The following MAML3 variants were observed in gnomAD, a reference collection of about 807,000 sequenced individuals.
MAML3 encodes the protein mastermind like transcriptional coactivator 3.
In MAML3, 27 loss-of-function variants were observed where a neutral mutation model predicts 101.9. The ratio of observed to expected loss-of-function variants is 0.27; its 90% CI spans 0.20 to 0.37. The LOEUF is 0.37. MAML3 is among the 10% of genes least tolerant of loss of function. The pLI, the probability that MAML3 is intolerant of heterozygous loss-of-function variation, is 1.00. For missense variants in MAML3, 1,316 were observed against 1,444.9 expected (o/e 0.91, Z 1.45); for synonymous variants, 501 against 555.9 (o/e 0.90, Z 1.39).
At chr4:140,134,331 G>T (rs1216258846) in intron 1 of MAML3, 1 of 456,590 alleles carries the variant, frequency 2.2e-6, no homozygotes, top group Admixed American at 2.3e-5. Flanking sequence ...ACCAAGTCAA[G>T]CGAGGCAAGT....
chr4:139,820,308 G>C (rs981907830), intron 2 of MAML3, among the ~76,000 whole-genome samples: 1 of 152,106 alleles, frequency 6.6e-6, no homozygotes, highest in South Asian at 2.1e-4. Flanking sequence ...GGTTAAATTC[G>C]TTTTAAGGTC....
intron 1 of MAML3, among the ~76,000 whole-genome samples, chr4:140,049,500 A>G (rs1727233434): frequency 6.6e-6 from 1 of 152,206 alleles, no homozygotes; most frequent in Non-Finnish European, 1.5e-5. Flanking sequence ...CACAGGGAGA[A>G]CAGAGGAGGG....
At chr4:139,871,483 A>G (rs540486132) in intron 2 of MAML3, among the ~76,000 whole-genome samples, 66 of 152,072 alleles carry the variant, frequency 4.3e-4, no homozygotes, top group African/African-American at 1.5e-3. Flanking sequence ...CTTTGGACCT[A>G]TTTCCAGGGT....
At chr4:139,944,962 T>G (rs895398521) in intron 1 of MAML3, among the ~76,000 whole-genome samples, 2 of 151,294 alleles carry the variant, frequency 1.3e-5, no homozygotes, top group African/African-American at 2.4e-5. Context: ...TATACCCAAA[T>G]GACTATAAAT....
intron 1 of MAML3, among the ~76,000 whole-genome samples, chr4:140,078,993 C>T (rs1007534048): frequency 1.3e-5 from 2 of 152,112 alleles, no homozygotes; most frequent in Middle Eastern, 3.2e-3. Context: ...TGAAAAACCT[C>T]GCAGGTCTCT....
intron 2 of MAML3, among the ~76,000 whole-genome samples, chr4:139,811,900 C>T (rs1730804280): frequency 6.6e-6 from 1 of 152,066 alleles, no homozygotes; most frequent in Non-Finnish European, 1.5e-5. Context: ...TTCAGTAGAG[C>T]AGGAAAAGCT....
intron 2 of MAML3, among the ~76,000 whole-genome samples, chr4:139,840,721 A>G (rs1731346976): frequency 6.6e-6 from 1 of 152,202 alleles, no homozygotes; most frequent in Non-Finnish European, 1.5e-5. Context: ...AAGCTGTGAC[A>G]GGGCGTGAGA....
At chr4:139,909,012 T>C (rs960871630) in intron 1 of MAML3, among the ~76,000 whole-genome samples, 1 of 152,338 alleles carries the variant, frequency 6.6e-6, no homozygotes, top group Admixed American at 6.5e-5. Context: ...CAATTTCTTT[T>C]TATGTTTTAA....
chr4:140,151,385 G>A (rs1044612185), intron 1 of MAML3, among the ~76,000 whole-genome samples: 1 of 152,192 alleles, frequency 6.6e-6, no homozygotes, highest in Middle Eastern at 3.4e-3. Flanking sequence ...CGTGCGGGGT[G>A]GGGGGACGTG....
chr4:139,918,848 G>A (rs706351), intron 1 of MAML3, among the ~76,000 whole-genome samples: 20,019 of 152,096 alleles, frequency 0.13, 4,238 homozygotes, highest in African/African-American at 0.44. Context: ...AACAGGAATC[G>A]TTTCTTAATG....
chr4:139,997,253 T>G (rs186656936), intron 1 of MAML3, among the ~76,000 whole-genome samples: 2 of 151,380 alleles, frequency 1.3e-5, no homozygotes, highest in Admixed American at 1.3e-4. Flanking sequence ...CCTTTACTGC[T>G]TTCTTTTGTG....
intron 2 of MAML3, among the ~76,000 whole-genome samples, chr4:139,800,002 G>T (rs1311301955): frequency 6.6e-6 from 1 of 152,068 alleles, no homozygotes; most frequent in African/African-American, 2.4e-5. Flanking sequence ...TTAAATCTTT[G>T]CATGAAACAA....
chr4:139,779,192 T>C (rs1730153863), intron 2 of MAML3, among the ~76,000 whole-genome samples: 1 of 152,108 alleles, frequency 6.6e-6, no homozygotes. Context: ...GTTGATGTAA[T>C]CTATTTTATT....
At chr4:140,035,188 G>A (rs1017022406) in intron 1 of MAML3, among the ~76,000 whole-genome samples, 4 of 152,108 alleles carry the variant, frequency 2.6e-5, no homozygotes, top group African/African-American at 4.8e-5. Context: ...TGGCAAGGCT[G>A]GTTTCGAACT....
chr4:139,800,168 T>C (rs1276901763), intron 2 of MAML3, among the ~76,000 whole-genome samples: 15 of 152,224 alleles, frequency 9.9e-5, no homozygotes, highest in Non-Finnish European at 2.2e-4. Context: ...GAAAAAAATG[T>C]TACGTGCATC....
intron 1 of MAML3, among the ~76,000 whole-genome samples, chr4:139,928,911 A>C (rs1464558065): frequency 1.3e-5 from 2 of 152,222 alleles, no homozygotes; most frequent in African/African-American, 4.8e-5. Context: ...AGCTACTGAA[A>C]TAGTTTAGAA....
At chr4:139,850,903 T>TA (rs747388081) in intron 2 of MAML3, among the ~76,000 whole-genome samples, 59 of 139,810 alleles carry the variant, frequency 4.2e-4, no homozygotes, top group South Asian at 1.4e-3. Context: ...TTTGCAAGAT[T>TA]AAAAAAAAAA....
At chr4:140,009,946 G>A (rs1054016303) in intron 1 of MAML3, among the ~76,000 whole-genome samples, 5 of 152,104 alleles carry the variant, frequency 3.3e-5, no homozygotes, top group African/African-American at 1.2e-4. Context: ...ATGGCTGGAT[G>A]GTATAGAAAA....
rs762539903 is a variant in MAML3, at chr4:139,720,265, C to T, written c.2475G>A (p.Thr825=). The change falls in exon 5 of 5, where the codon ACG becomes ACA. Residue 825 remains threonine (T), a synonymous_variant. Transcript: ENST00000509479. ...RSQAALQSMR[T]SRLMAQNAGM... Reference sequence around the variant, plus strand: ...CTGCGTTCTGTGCCATCAGCCGTGACGTTCGCATGCTCTGGAGGGCTGCTT... The same window carrying T: ...CTGCGTTCTGTGCCATCAGCCGTGATGTTCGCATGCTCTGGAGGGCTGCTT... 274 of 1,589,350 alleles carry T rather than the reference C, an allele frequency of 1.7e-4. 1 individual carries two copies. In the Middle Eastern group the frequency reaches 7.4e-3, roughly 43 times the overall value.
Sources: allele counts gnomAD v4.1 joint callset (sites outside exome capture counted in the v4.1 genomes callset), GRCh38; gene constraint gnomAD v4.1.1; transcripts MANE v1.5; gene names NCBI Gene and HGNC (gene_info 2026-07-23, HGNC 2026-07-21).